The following KDM4C variants were observed in gnomAD, a reference collection of about 807,000 sequenced individuals.
KDM4C encodes the protein lysine-specific demethylase 4C.
In KDM4C, 81 loss-of-function variants were observed where a neutral mutation model predicts 129.3. The ratio of observed to expected loss-of-function variants is 0.63; its 90% CI spans 0.52 to 0.75. The LOEUF is 0.75. KDM4C is among the 30% of genes least tolerant of loss of function. KDM4C has a pLI of 0.00. For synonymous variants in KDM4C, 573 were observed against 456.1 expected (o/e 1.26, Z -3.26); for missense variants, 1,457 against 1,304.0 (o/e 1.12, Z -1.81).
At chr9:7,074,340 A>T (rs1416207735) in intron 17 of KDM4C, among the ~76,000 whole-genome samples, 1 of 151,986 alleles carries the variant, frequency 6.6e-6, no homozygotes, top group African/African-American at 2.4e-5. Flanking sequence ...ATTTTTTTGT[A>T]TATTTTAGTA....
At chr9:6,862,258 T>C (rs1264028862) in intron 5 of KDM4C, among the ~76,000 whole-genome samples, 2 of 152,240 alleles carry the variant, frequency 1.3e-5, no homozygotes, top group Admixed American at 1.3e-4. Context: ...GTTGTCTTCA[T>C]GTCTGATAAG....
chr9:6,746,263 T>TATATATATATATATATA (rs1491312956), intron 1 of KDM4C, among the ~76,000 whole-genome samples: 1 of 51,370 alleles, frequency 1.9e-5, no homozygotes, highest in Non-Finnish European at 4.1e-5. Context: ...TATATATATG[T>TATATATATATATATATA]TTTTTTTTTT....
intron 1 of KDM4C, among the ~76,000 whole-genome samples, chr9:6,767,485 A>T (rs759459518): frequency 1.1e-4 from 17 of 151,304 alleles, no homozygotes; most frequent in Admixed American, 1.1e-3. Flanking sequence ...CCTAGGATGC[A>T]GTGCAATGGC....
intron 3 of KDM4C, among the ~76,000 whole-genome samples, chr9:6,807,534 G>A (rs1360586406): frequency 4.2e-5 from 6 of 144,384 alleles, no homozygotes; most frequent in East Asian, 2.1e-4. Flanking sequence ...CTGCCCCGCC[G>A]CCCCATCTGG....
chr9:6,868,324 A>G (rs928479702), intron 5 of KDM4C, among the ~76,000 whole-genome samples: 15 of 152,184 alleles, frequency 9.9e-5, no homozygotes, highest in African/African-American at 3.6e-4. Context: ...AAATATCCTC[A>G]CGTGAAGAGA....
intron 7 of KDM4C, among the ~76,000 whole-genome samples, chr9:6,890,001 ATGAATTTAAGTCC>A (rs139606085): frequency 0.013 from 1,950 of 152,258 alleles, 45 homozygotes; most frequent in African/African-American, 0.044. Flanking sequence ...AAGTGGCGAG[ATGAATTTAAGTCC>A]TGAAATGGTG....
intron 5 of KDM4C, among the ~76,000 whole-genome samples, chr9:6,865,000 A>ATTTC (rs1354368716): frequency 3.8e-4 from 47 of 124,146 alleles, no homozygotes; most frequent in Non-Finnish European, 6.4e-4. Flanking sequence ...TCTTTGTTAA[A>ATTTC]TTTCTTTCTT....
chr9:6,749,245 C>T (rs2130297872), intron 1 of KDM4C, among the ~76,000 whole-genome samples: 1 of 152,228 alleles, frequency 6.6e-6, no homozygotes, highest in East Asian at 1.9e-4. Context: ...TTTCGAACCC[C>T]CGACCTCAGG....
intron 1 of KDM4C, among the ~76,000 whole-genome samples, chr9:6,772,361 C>G (rs1822032088): frequency 6.6e-6 from 1 of 151,402 alleles, no homozygotes; most frequent in Admixed American, 6.6e-5. Context: ...GTTGGCCAGA[C>G]TGGTCCTTTT....
chr9:7,078,710 A>G (rs1368950453), intron 17 of KDM4C, among the ~76,000 whole-genome samples: 1 of 152,232 alleles, frequency 6.6e-6, no homozygotes, highest in East Asian at 1.9e-4. Flanking sequence ...TAGCCAAAAC[A>G]ATAACTTAAA....
intron 17 of KDM4C, among the ~76,000 whole-genome samples, chr9:7,082,974 G>C (rs1400044137): frequency 6.6e-6 from 1 of 152,086 alleles, no homozygotes; most frequent in Admixed American, 6.5e-5. Context: ...CCTCCAGCAG[G>C]GATGGACCTG....
intron 18 of KDM4C, among the ~76,000 whole-genome samples, chr9:7,122,252 C>G (rs1839565847): frequency 7.8e-6 from 1 of 127,848 alleles, no homozygotes. Context: ...CACACACACA[C>G]ACACACACAC....
At chr9:6,830,509 A>T (rs1048690549) in intron 4 of KDM4C, among the ~76,000 whole-genome samples, 1 of 152,244 alleles carries the variant, frequency 6.6e-6, no homozygotes. Flanking sequence ...GCTAGTTACA[A>T]CAAGTTTTTA....
chr9:6,969,052 C>T (rs989926160), intron 8 of KDM4C, among the ~76,000 whole-genome samples: 2 of 152,016 alleles, frequency 1.3e-5, no homozygotes, highest in East Asian at 1.9e-4. Flanking sequence ...TCTTGTGCCT[C>T]GGCTTTCTGA....
At chr9:7,100,763 T>TTTTTC (rs149393177) in intron 17 of KDM4C, among the ~76,000 whole-genome samples, 13 of 152,104 alleles carry the variant, frequency 8.5e-5, no homozygotes, top group Middle Eastern at 3.2e-3. Context: ...TTTTCTTTCT[T>TTTTTC]TTTTCTTTTC....
intron 1 of KDM4C, among the ~76,000 whole-genome samples, chr9:6,761,355 A>C (rs946084604): frequency 2.7e-5 from 4 of 149,258 alleles, no homozygotes; most frequent in Admixed American, 6.7e-5. Context: ...TTTTTTGGAG[A>C]CAGGGTGTAA....
chr9:7,110,243 T>G (rs1838165050), intron 18 of KDM4C, among the ~76,000 whole-genome samples: 2 of 152,200 alleles, frequency 1.3e-5, no homozygotes, highest in Non-Finnish European at 2.9e-5. Context: ...TTATGGGAGC[T>G]CTACTAGAGA....
chr9:6,895,984 A>T (rs1380112844), intron 8 of KDM4C, among the ~76,000 whole-genome samples: 6 of 152,140 alleles, frequency 3.9e-5, no homozygotes, highest in Admixed American at 3.3e-4. Context: ...TGGTATCTTT[A>T]ATCAGTTATT....
At chr9:6,731,028 C>CGTT (rs1211497614) in intron 1 of KDM4C, among the ~76,000 whole-genome samples, 2 of 152,178 alleles carry the variant, frequency 1.3e-5, no homozygotes, top group East Asian at 3.8e-4. Flanking sequence ...TTCGCTTTAA[C>CGTT]AATCACCCTC....
Sources: allele counts gnomAD v4.1 joint callset (sites outside exome capture counted in the v4.1 genomes callset), GRCh38; gene constraint gnomAD v4.1.1; transcripts MANE v1.5; gene names NCBI Gene and HGNC (gene_info 2026-07-23, HGNC 2026-07-21).